Variants in PLEKHG4B observed in about 807,000 individuals in gnomAD.
PLEKHG4B encodes pleckstrin homology domain-containing family G member 4B.
A neutral mutation model predicts 121.3 loss-of-function variants in PLEKHG4B; 111 were observed. The observed-to-expected ratio is 0.92, with a 90% CI of 0.78 to 1.07. PLEKHG4B has a LOEUF of 1.07. Ranked by LOEUF, PLEKHG4B falls within the 50% of genes least tolerant of loss-of-function variation. PLEKHG4B has a pLI of 0.00. For synonymous variants in PLEKHG4B, 738 were observed against 725.0 expected (o/e 1.02, Z -0.29); for missense variants, 1,831 against 1,757.8 (o/e 1.04, Z -0.74).
intron 1 of PLEKHG4B, among the ~76,000 whole-genome samples, chr5:102,017 C>T (rs1159769323): frequency 4.5e-5 from 4 of 88,310 alleles, no homozygotes; most frequent in African/African-American, 7.1e-5. Context: ...TGAGGTTAAT[C>T]CATATAAAGC....
At chr5:118,397 C>T (rs901242765) in intron 2 of PLEKHG4B, among the ~76,000 whole-genome samples, 1 of 152,174 alleles carries the variant, frequency 6.6e-6, no homozygotes, top group Non-Finnish European at 1.5e-5. Context: ...GTGCTGAGCC[C>T]AGCAACTTTA....
rs1733590327 is a variant in PLEKHG4B, at chr5:185,223, C to T, written c.*2900C>T. 6.6e-6 allele frequency: 1 copy of T among 152,198 alleles called. No homozygotes were observed. The highest frequency in any genetic ancestry group is 2.4e-5 in the African/African-American group (1 of 41,434). 9.4% of individuals were successfully genotyped at this position (152,198 alleles called of 1,614,324 possible). A position where few individuals can be genotyped will look rare whatever the true frequency, so the allele number is the denominator to read the frequency against. On this transcript the variant is annotated 3_prime_UTR_variant, in exon 20 of 20. Coordinates refer to ENST00000637938, the MANE Select transcript of PLEKHG4B (RefSeq NM_052909.5). ...AGAGACTGAAGCAGCCACTGGCCAT[C>T]ACAGCAAACACAAGCAGGGCGCAGG...
chr5:143,664 T>G (rs186740007), intron 5 of PLEKHG4B, among the ~76,000 whole-genome samples, 161 bp downstream of exon 5: 15 of 152,206 alleles, frequency 9.9e-5, no homozygotes, highest in South Asian at 2.1e-4. Flanking sequence ...CTTCCAGCCT[T>G]GATTTCTACA....
chr5:104,378 A>T (rs1373835450), intron 1 of PLEKHG4B, among the ~76,000 whole-genome samples: 1 of 152,224 alleles, frequency 6.6e-6, no homozygotes, highest in Non-Finnish European at 1.5e-5. Context: ...CAACACTCTT[A>T]AGACGACAAA....
At chr5:130,272 A>C (rs1273946418) in intron 2 of PLEKHG4B, among the ~76,000 whole-genome samples, 3 of 152,246 alleles carry the variant, frequency 2.0e-5, no homozygotes, top group Non-Finnish European at 4.4e-5. Context: ...TTATAAAAAT[A>C]AGTGAAACAC....
At position 183,295 on chromosome 5, in the gene PLEKHG4B, A is replaced by G. The variant is rs1182674678; in HGVS notation, c.*972A>G. The G allele has an allele frequency of 6.6e-6, 1 of 152,230 alleles. No homozygotes were observed. The highest frequency in any genetic ancestry group is 1.5e-5 in the Non-Finnish European group (1 of 68,060). The allele number at this position is 152,230 out of a possible 1,614,324, so 9.4% of individuals were successfully genotyped here. On this transcript the variant is annotated 3_prime_UTR_variant, in exon 20 of 20. Transcript: ENST00000637938. Reference sequence around the variant, plus strand: ...GGTTACCAAAGTGTCCACACCCTGCAAGGTAAACTCACAGTGCCTGACCTC... The same window carrying G: ...GGTTACCAAAGTGTCCACACCCTGCGAGGTAAACTCACAGTGCCTGACCTC...
intron 2 of PLEKHG4B, among the ~76,000 whole-genome samples, chr5:114,122 G>T (rs1734236641): frequency 6.6e-6 from 1 of 152,222 alleles, no homozygotes; most frequent in Admixed American, 6.5e-5. Context: ...CCTTTGGTGA[G>T]TCATAATCTC....
chr5:172,458 G>A (rs1012690238), intron 16 of PLEKHG4B, among the ~76,000 whole-genome samples: 6 of 152,226 alleles, frequency 3.9e-5, no homozygotes, highest in African/African-American at 1.4e-4. Context: ...TAGTGAGGGG[G>A]ACTCTAGCAC....
intron 1 of PLEKHG4B, among the ~76,000 whole-genome samples, chr5:93,936 A>C (rs1733549479): frequency 6.6e-6 from 1 of 152,162 alleles, no homozygotes; most frequent in Admixed American, 6.5e-5. Context: ...AAATCATCTG[A>C]GTCTAGCTCA....
rs1736013163 is a variant in PLEKHG4B, at chr5:161,832, C to T, written c.2537C>T (p.Thr846Ile). ...CTGGCGAAGGAGAACCCGCAACGTA[C>T]AGAGGAAATGGTCCAGGATTTCAGA... ...LQLAKENPQRTEEMVQDFRRG... is the reference protein window; with the variant it reads ...LQLAKENPQRIEEMVQDFRRG... The change falls in exon 12 of 20, where the codon ACA (threonine) becomes ATA (isoleucine). Residue 846 changes from threonine (T) to isoleucine (I), a missense_variant. By Grantham distance (89) the Thr-to-Ile change is moderately conservative (BLOSUM62 -1). Transcript: ENST00000637938. 1.2e-6 allele frequency: 2 copies of T among 1,613,796 alleles called. No individual in the cohort carries two copies. Among genetic ancestry groups the T allele is most frequent in the Admixed American group, 3.3e-5 (2 of 60,000 alleles).
chr5:171,858 G>A (rs1393014666), intron 16 of PLEKHG4B, among the ~76,000 whole-genome samples: 3 of 152,178 alleles, frequency 2.0e-5, no homozygotes, highest in East Asian at 1.9e-4. Flanking sequence ...ACCTTGGCTC[G>A]TTCATACGGG....
At chr5:158,738 C>T (rs1421139991) in intron 11 of PLEKHG4B, among the ~76,000 whole-genome samples, 1 of 150,702 alleles carries the variant, frequency 6.6e-6, no homozygotes, top group Non-Finnish European at 1.5e-5. Flanking sequence ...CGTTCTACTC[C>T]TTCCTGGGGT....
chr5:157,141 G>T lies in PLEKHG4B; in HGVS notation c.2487+230G>T, dbSNP rs562856164. The T allele has an allele frequency of 1.5e-4, 89 of 590,050 alleles. 2 individuals are homozygous for T. The South Asian group carries it at 1.7e-3, about 11-fold the overall frequency. The allele number at this position is 590,050 out of a possible 1,614,324, so 36.6% of individuals were successfully genotyped here. A position where few individuals can be genotyped will look rare whatever the true frequency, so the allele number is the denominator to read the frequency against. ...GGAGAAAAAAAATTTGTTTAATCCA[G>T]AGGAGGCCAGGGAGAAAAATAATTT... On this transcript the variant is annotated intron_variant, in intron 11 of 19. Coordinates refer to ENST00000637938, the MANE Select transcript of PLEKHG4B (RefSeq NM_052909.5). The surrounding 1 kb of genome is among the most constrained non-coding windows in gnomAD (Gnocchi z 4.6).
intron 1 of PLEKHG4B, among the ~76,000 whole-genome samples, chr5:107,159 C>A (rs1320596596): frequency 6.6e-6 from 1 of 152,226 alleles, no homozygotes; most frequent in East Asian, 1.9e-4. Context: ...GCTCCAGGTC[C>A]TGCCCATCTC....
At chr5:178,237 C>T (rs768188074) in intron 18 of PLEKHG4B, among the ~76,000 whole-genome samples, 3 of 152,202 alleles carry the variant, frequency 2.0e-5, no homozygotes, top group Non-Finnish European at 4.4e-5. Flanking sequence ...CAGGAAACGC[C>T]CTCTCCCTGG....
intron 2 of PLEKHG4B, among the ~76,000 whole-genome samples, chr5:128,180 G>T (rs926513300): frequency 6.6e-6 from 1 of 152,170 alleles, no homozygotes; most frequent in Non-Finnish European, 1.5e-5. Context: ...GGAAGAAAAA[G>T]ATCTAGCTAT....
rs1733728648 is a variant in PLEKHG4B, at chr5:189,547, G to C, written c.*7224G>C. On this transcript the variant is annotated 3_prime_UTR_variant, in exon 20 of 20. Coordinates refer to ENST00000637938, the MANE Select transcript of PLEKHG4B (RefSeq NM_052909.5). Reference sequence around the variant, plus strand: ...TAGGTCTGAGAAAGAACGCCTGTTTGTCATGGCATTTCCTGTAAGGAGCCC... The same window carrying C: ...TAGGTCTGAGAAAGAACGCCTGTTTCTCATGGCATTTCCTGTAAGGAGCCC... 1 of 152,348 alleles carries C rather than the reference G, an allele frequency of 6.6e-6. No individual in the cohort carries two copies. The highest frequency in any genetic ancestry group is 1.5e-5 in the Non-Finnish European group (1 of 68,124). 9.4% of individuals were successfully genotyped at this position (152,348 alleles called of 1,614,324 possible). A position where few individuals can be genotyped will look rare whatever the true frequency, so the allele number is the denominator to read the frequency against.
chr5:127,340 T>TTTA (rs60825083), intron 2 of PLEKHG4B, among the ~76,000 whole-genome samples: 14,348 of 135,356 alleles, frequency 0.11, 1,132 homozygotes, highest in African/African-American at 0.22. Flanking sequence ...ATTGTTGGTT[T>TTTA]TTATTATTAT....
intron 2 of PLEKHG4B, among the ~76,000 whole-genome samples, chr5:118,913 C>T (rs182892807): frequency 1.2e-4 from 18 of 151,440 alleles, no homozygotes; most frequent in South Asian, 4.2e-4. Flanking sequence ...TGCAGTGGTG[C>T]GATCATGGCT....
Sources: allele counts gnomAD v4.1 joint callset (sites outside exome capture counted in the v4.1 genomes callset), GRCh38; gene constraint gnomAD v4.1.1; non-coding constraint Gnocchi (gnomAD v3.1); transcripts MANE v1.5; gene names NCBI Gene and HGNC (gene_info 2026-07-23, HGNC 2026-07-21).